Variants in AFF2 observed in about 807,000 individuals in gnomAD.
The protein encoded by AFF2 is ALF transcription elongation factor 2, also known as AF4/FMR2 family member 2.
In AFF2, 14 loss-of-function variants were observed where a neutral mutation model predicts 76.9. The observed-to-expected ratio is 0.18, with a 90% CI of 0.12 to 0.28. The LOEUF (loss-of-function observed/expected upper bound fraction) is 0.28, where lower values mean the gene tolerates loss of function less well. Ranked by LOEUF, AFF2 falls within the 10% of genes least tolerant of loss-of-function variation. The probability of loss-of-function intolerance (pLI) is 1.00; values close to 1 mark genes in which losing one functional copy is unlikely to be tolerated. For missense variants in AFF2, 868 were observed against 1,001.1 expected (o/e 0.87, Z 1.79); for synonymous variants, 398 against 366.7 (o/e 1.09, Z -0.98).
At chrX:148,544,234 G>A (rs909113715) in intron 1 of AFF2, among the ~76,000 whole-genome samples, 21 of 112,468 alleles carry the variant, frequency 1.9e-4, no homozygotes, top group African/African-American at 1.3e-4. Flanking sequence ...AATACTCACC[G>A]CTTAAATATA....
chrX:148,652,020 T>A lies in AFF2; in HGVS notation c.69T>A (p.Ser23Arg). The change falls in exon 2 of 21, where the codon AGT (serine) becomes AGA (arginine). Residue 23 changes from serine (S) to arginine (R), a missense_variant. By Grantham distance (110) the Ser-to-Arg change is moderately radical. Transcript: ENST00000370460. Reference sequence around the variant, plus strand: ...TCAGTCACTATGAACAAGACCGTAGTGCACTTAAAAAAAGGGAATGGGAGC... The same window carrying A: ...TCAGTCACTATGAACAAGACCGTAGAGCACTTAAAAAAAGGGAATGGGAGC... ...EQQCHYEQDR[S>R]ALKKREWERR... The A allele has an allele frequency of 8.3e-7, 1 of 1,204,868 alleles. No homozygotes were observed. The highest frequency in any genetic ancestry group is 1.1e-6 in the Non-Finnish European group (1 of 890,610).
intron 3 of AFF2, among the ~76,000 whole-genome samples, chrX:148,684,295 A>T (rs1406913680): frequency 8.9e-6 from 1 of 112,084 alleles, no homozygotes; most frequent in East Asian, 2.8e-4. Flanking sequence ...CAAATTAGAA[A>T]TAGTTAGCTC....
At chrX:148,715,158 C>T (rs782785886) in intron 3 of AFF2, among the ~76,000 whole-genome samples, 3 of 110,960 alleles carry the variant, frequency 2.7e-5, no homozygotes, top group Non-Finnish European at 3.8e-5. Context: ...GGGAGAATGA[C>T]GTTGATAGAA....
chrX:148,648,026 T>A (rs1400509245), intron 1 of AFF2, among the ~76,000 whole-genome samples: 2 of 111,899 alleles, frequency 1.8e-5, no homozygotes, highest in Non-Finnish European at 3.8e-5. Context: ...ATGAGAGTTA[T>A]CTACATACAA....
intron 16 of AFF2, among the ~76,000 whole-genome samples, chrX:148,974,118 G>A (rs1557289900): frequency 9.0e-6 from 1 of 110,676 alleles, no homozygotes; most frequent in Admixed American, 9.7e-5. Flanking sequence ...GTGGTAGTAG[G>A]GGCTGGCGGT....
At chrX:148,795,759 C>T (rs1392005248) in intron 3 of AFF2, among the ~76,000 whole-genome samples, 3 of 81,021 alleles carry the variant, frequency 3.7e-5, no homozygotes, top group Non-Finnish European at 6.9e-5. Context: ...GCCGAGATCC[C>T]GCCATTGCAC....
At position 148,785,638 on chromosome X, in the gene AFF2, C is replaced by T. The variant is rs1230038271; in HGVS notation, c.1042-24238C>T. ...AAATTTTAAGACTGACTTCTAGCAG[C>T]CATCAACATGTACTTATTGTTTTGA... On this transcript the variant is annotated intron_variant, in intron 3 of 20. Coordinates refer to ENST00000370460, the MANE Select transcript of AFF2 (RefSeq NM_002025.4). Among the ~76,000 whole-genome samples, 6 of 111,604 alleles carry T rather than the reference C, an allele frequency of 5.4e-5. No homozygotes were observed. The East Asian group carries it at 1.7e-3, about 31-fold the overall frequency.
chrX:148,959,230 G>A (rs1557287745), intron 12 of AFF2, among the ~76,000 whole-genome samples: 1 of 111,790 alleles, frequency 8.9e-6, no homozygotes, highest in Non-Finnish European at 1.9e-5. Flanking sequence ...TTCTGTTTCT[G>A]CCAAGCATTG....
At chrX:148,675,039 G>A (rs936643806) in intron 3 of AFF2, among the ~76,000 whole-genome samples, 3 of 112,084 alleles carry the variant, frequency 2.7e-5, no homozygotes, top group Non-Finnish European at 3.8e-5. Flanking sequence ...ACGTATGCAT[G>A]TGTTAGGTGT....
At chrX:148,941,906 A>G (rs1307387812) in intron 9 of AFF2, among the ~76,000 whole-genome samples, 3 of 110,732 alleles carry the variant, frequency 2.7e-5, no homozygotes, top group Non-Finnish European at 5.7e-5. Context: ...TTTGTGCTTC[A>G]TTTCTATATA....
chrX:148,675,547 A>C (rs1161283362), intron 3 of AFF2, among the ~76,000 whole-genome samples: 1 of 110,097 alleles, frequency 9.1e-6, no homozygotes, highest in African/African-American at 3.3e-5. Flanking sequence ...TCAGTTAAGG[A>C]GATGGCCCCA....
chrX:148,570,431 A>G (rs1403309826), intron 1 of AFF2, among the ~76,000 whole-genome samples: 1 of 112,195 alleles, frequency 8.9e-6, no homozygotes, highest in Non-Finnish European at 1.9e-5. Context: ...AAGTAGAAAT[A>G]CGCATCTTCG....
At chrX:148,660,378 A>AT (rs1557257575) in intron 2 of AFF2, among the ~76,000 whole-genome samples, 1 of 110,801 alleles carries the variant, frequency 9.0e-6, no homozygotes, top group African/African-American at 3.3e-5. Context: ...GTATCTTCTC[A>AT]TTCTATGTTT....
chrX:148,824,056 G>C (rs2070357971), intron 4 of AFF2, among the ~76,000 whole-genome samples: 1 of 38,909 alleles, frequency 2.6e-5, no homozygotes, highest in African/African-American at 1.4e-4. Flanking sequence ...ATTCATATTT[G>C]CTTCCTCTCT....
chrX:148,820,211 G>A (rs1302101037), intron 4 of AFF2, among the ~76,000 whole-genome samples: 1 of 111,169 alleles, frequency 9.0e-6, no homozygotes, highest in East Asian at 2.8e-4. Context: ...AATTTTGAGG[G>A]AATTAACACC....
intron 3 of AFF2, among the ~76,000 whole-genome samples, chrX:148,705,701 C>A (rs782393748): frequency 2.7e-5 from 3 of 112,090 alleles, no homozygotes; most frequent in Non-Finnish European, 5.6e-5. Context: ...TCCCCATCAA[C>A]TGATGAAAAC....
intron 3 of AFF2, among the ~76,000 whole-genome samples, chrX:148,738,769 C>T (rs1204997536): frequency 1.8e-5 from 2 of 111,340 alleles, no homozygotes; most frequent in African/African-American, 6.5e-5. Context: ...TATGAACTTT[C>T]CTCTTGGCAC....
intron 1 of AFF2, among the ~76,000 whole-genome samples, chrX:148,630,886 A>C (rs2053973212): frequency 8.9e-6 from 1 of 111,877 alleles, no homozygotes; most frequent in Non-Finnish European, 1.9e-5. Context: ...TACTTACCCC[A>C]ACCTGGGCAG....
chrX:148,531,389 A>G (rs2052728782), intron 1 of AFF2, among the ~76,000 whole-genome samples: 1 of 112,667 alleles, frequency 8.9e-6, no homozygotes, highest in Non-Finnish European at 1.9e-5. Flanking sequence ...CATAGAAGAT[A>G]CAGTAGGAAA....
Sources: gnomAD v4.1 joint callset for allele counts (sites outside exome capture counted in the v4.1 genomes callset) on GRCh38, gnomAD v4.1.1 for gene constraint, MANE v1.5 for transcripts, NCBI Gene and HGNC (gene_info 2026-07-23, HGNC 2026-07-21) for gene names.